Variants in THOC7 observed in about 807,000 individuals in gnomAD.
THOC7 encodes the protein THO complex subunit 7, also known as NIF3L1-binding protein 1.
Under a neutral mutation model 33.1 loss-of-function variants are expected in THOC7, and 22 were observed. The ratio of observed to expected loss-of-function variants is 0.66; its 90% confidence interval spans 0.47 to 0.95. The LOEUF (loss-of-function observed/expected upper bound fraction) is 0.95. THOC7 is among the 40% of genes least tolerant of loss of function. THOC7 has a pLI of 0.00. For synonymous variants in THOC7, 77 were observed against 76.8 expected (o/e 1.00, Z -0.01); for missense variants, 184 against 245.3 (o/e 0.75, Z 1.67).
chr3:63,844,243 T>C (rs1701837687), intron 1 of THOC7, among the ~76,000 whole-genome samples: 1 of 152,190 alleles, frequency 6.6e-6, no homozygotes, highest in South Asian at 2.1e-4. Context: ...AAAAGATACA[T>C]ACTTACAGTT....
chr3:63,841,311 G>T (rs1255371016), intron 1 of THOC7, among the ~76,000 whole-genome samples: 1 of 152,208 alleles, frequency 6.6e-6, no homozygotes, highest in African/African-American at 2.4e-5. Flanking sequence ...TGGTAAGAGG[G>T]ACTACAGATA....
chr3:63,836,391 G>C (rs751415083), intron 4 of THOC7, 33 bp from the exon 5 acceptor site: 1 of 1,600,584 alleles, frequency 6.2e-7, no homozygotes, highest in Non-Finnish European at 8.5e-7. Context: ...TCAAACTAAG[G>C]ATTTTTTGAA....
At chr3:63,862,037 T>C (rs1296337778) in intron 1 of THOC7, among the ~76,000 whole-genome samples, 2 of 152,184 alleles carry the variant, frequency 1.3e-5, no homozygotes, top group Admixed American at 6.5e-5. Flanking sequence ...GAGGTCCGCC[T>C]GCCTTGGCCT....
chr3:63,855,879 G>C (rs1358810337), intron 1 of THOC7, among the ~76,000 whole-genome samples: 1 of 152,188 alleles, frequency 6.6e-6, no homozygotes, highest in African/African-American at 2.4e-5. Flanking sequence ...CAAACTGAAA[G>C]CCACAGGAAG....
At position 63,836,222 on chromosome 3, in the gene THOC7, A is replaced by G. The variant is rs1348045436; in HGVS notation, c.410+79T>C. On this transcript the variant is annotated intron_variant, in intron 5 of 7. Coordinates refer to ENST00000295899, the MANE Select transcript of THOC7 (RefSeq NM_025075.4). ...CCTTTTGAAACATATTTATTTCTGC[A>G]AAAATGAAATGCCTACGGTAGTTTT... 11 of 1,360,930 alleles carry G rather than the reference A, an allele frequency of 8.1e-6. No homozygotes were observed. The Admixed American group carries it at 2.4e-4, about 30-fold the overall frequency. 84.3% of individuals were successfully genotyped at this position (1,360,930 alleles called of 1,614,324 possible). A position where few individuals can be genotyped will look rare whatever the true frequency, so the allele number is the denominator to read the frequency against.
intron 1 of THOC7, among the ~76,000 whole-genome samples, chr3:63,844,641 TAGTAATCTCGG>T (rs1433157052): frequency 6.6e-6 from 1 of 152,182 alleles, no homozygotes; most frequent in Non-Finnish European, 1.5e-5. Flanking sequence ...GGAAATAGGT[TAGTAATCTCGG>T]AGTGAGCTCC....
chr3:63,857,141 CT>C (rs1189544516), intron 1 of THOC7, among the ~76,000 whole-genome samples: 1 of 152,132 alleles, frequency 6.6e-6, no homozygotes, highest in African/African-American at 2.4e-5. Flanking sequence ...AGAGAAGATA[CT>C]TTTACCTTTT....
intron 1 of THOC7, chr3:63,846,167 A>C (rs767244035): frequency 2.0e-5 from 9 of 441,324 alleles, no homozygotes; most frequent in Non-Finnish European, 4.1e-5. Flanking sequence ...CTGAATATTT[A>C]CAATCTACTA....
intron 3 of THOC7, 65 bp downstream of exon 3, chr3:63,838,307 G>C: frequency 8.8e-7 from 1 of 1,138,300 alleles, no homozygotes; most frequent in Non-Finnish European, 1.2e-6. Flanking sequence ...AAAATTGTTA[G>C]CAGGTATTGT....
chr3:63,849,363 G>C (rs908147362), intron 1 of THOC7, among the ~76,000 whole-genome samples: 1 of 152,108 alleles, frequency 6.6e-6, no homozygotes, highest in Non-Finnish European at 1.5e-5. Context: ...CCTCTAGCCT[G>C]GGTGACAGAG....
chr3:63,845,212 G>C (rs1019751055), intron 1 of THOC7: 12 of 473,504 alleles, frequency 2.5e-5, no homozygotes, highest in Non-Finnish European at 4.2e-5. Flanking sequence ...TTTGGCTTTG[G>C]GGGTATCAAG....
intron 1 of THOC7, among the ~76,000 whole-genome samples, 160 bp from the exon 2 acceptor site, chr3:63,839,933 G>T (rs1417767194): frequency 6.6e-6 from 1 of 151,818 alleles, no homozygotes; most frequent in Non-Finnish European, 1.5e-5. Flanking sequence ...AGCTAAAATG[G>T]TAAATTTTAT....
chr3:63,841,487 T>C (rs1371437808), intron 1 of THOC7, among the ~76,000 whole-genome samples: 3 of 152,314 alleles, frequency 2.0e-5, no homozygotes, highest in Admixed American at 1.3e-4. Context: ...TAAACAATAG[T>C]TCCTGTGTGT....
Position 63,858,626 on chromosome 3 carries a change from A to G in THOC7, c.19+5146T>C, listed in dbSNP as rs568945415. Among the ~76,000 whole-genome samples, 20 of 152,338 alleles carry G rather than the reference A, an allele frequency of 1.3e-4. No homozygotes were observed. In the South Asian group the frequency reaches 4.1e-3, roughly 32 times the overall value. ...AAGTGCTTCTGAAATGATTTCTATC[A>G]GGGTACTAACAATATTTAGCATCCT... On this transcript the variant is annotated intron_variant, in intron 1 of 7. Coordinates refer to ENST00000295899, the MANE Select transcript of THOC7 (RefSeq NM_025075.4).
At chr3:63,863,953 G>GCCGCCC (rs1373178389), upstream of THOC7, 1 of 83,824 alleles carries the variant, frequency 1.2e-5, no homozygotes, top group Admixed American at 1.4e-4. Flanking sequence ...GCCGCGCCGC[G>GCCGCCC]CCGCCGCCGC....
chr3:63,863,479 C>T, intron 1 of THOC7: 1 of 1,167,094 alleles, frequency 8.6e-7, no homozygotes, highest in Non-Finnish European at 1.1e-6. Context: ...GTGTTCCCAG[C>T]CCACCGACCA....
intron 1 of THOC7, among the ~76,000 whole-genome samples, chr3:63,843,770 T>G (rs536972689): frequency 6.6e-6 from 1 of 152,134 alleles, no homozygotes; most frequent in African/African-American, 2.4e-5. Context: ...GCATGGTGGC[T>G]GGTGCCTGTA....
In THOC7 at chr3:63,852,799, T is replaced by TA. The variant is rs547627535; in HGVS notation, c.19+10972dup. 4.0e-4 allele frequency among the ~76,000 whole-genome samples: 61 copies of TA among 152,254 alleles called. No homozygotes were observed. In the South Asian group the frequency reaches 0.012, roughly 29 times the overall value. On this transcript the variant is annotated intron_variant, in intron 1 of 7. Coordinates refer to ENST00000295899, the MANE Select transcript of THOC7 (RefSeq NM_025075.4). Reference sequence around the variant, plus strand: ...GAGGCAGGGAGGCTAGTTAGGAGGCTACCAAAGCATACACAGTTAGGAGCT... The same window carrying TA: ...GAGGCAGGGAGGCTAGTTAGGAGGCTAACCAAAGCATACACAGTTAGGAGCT...
At chr3:63,834,267 G>A (rs1701581837) in intron 7 of THOC7, 68 bp from the exon 8 acceptor site, 3 of 1,471,386 alleles carry the variant, frequency 2.0e-6, no homozygotes, top group South Asian at 1.1e-5. Flanking sequence ...ATGAACACAT[G>A]AAAACATGTT....
Sources: allele counts gnomAD v4.1 joint callset (sites outside exome capture counted in the v4.1 genomes callset), GRCh38; gene constraint gnomAD v4.1.1; transcripts MANE v1.5; gene names NCBI Gene and HGNC (gene_info 2026-07-23, HGNC 2026-07-21).